GRIK1: variants seen among roughly 807,000 people sequenced by gnomAD.
The protein encoded by GRIK1 is glutamate receptor ionotropic, kainate 1.
In GRIK1, 69 loss-of-function variants were observed where a neutral mutation model predicts 105.7. That is an observed-to-expected ratio of 0.65 (90% CI 0.54 to 0.80). GRIK1 has a LOEUF of 0.80. GRIK1 is among the 30% of genes least tolerant of loss of function. GRIK1 has a pLI of 0.00. For synonymous variants in GRIK1, 438 were observed against 431.3 expected (o/e 1.02, Z -0.19); for missense variants, 1,109 against 1,167.3 (o/e 0.95, Z 0.73).
At chr21:29,922,558 A>C (rs1354561045) in intron 1 of GRIK1, among the ~76,000 whole-genome samples, 2 of 152,154 alleles carry the variant, frequency 1.3e-5, no homozygotes, top group African/African-American at 4.8e-5. Context: ...GCAATCTTAG[A>C]AAAAAATTAT....
chr21:29,719,658 AG>A (rs2064272924), intron 1 of GRIK1, among the ~76,000 whole-genome samples: 1 of 152,146 alleles, frequency 6.6e-6, no homozygotes, highest in South Asian at 2.1e-4. Flanking sequence ...CAGCTTTAAA[AG>A]CTCTGCAGCA....
At chr21:29,741,663 A>G (rs1367687501) in intron 1 of GRIK1, among the ~76,000 whole-genome samples, 1 of 152,216 alleles carries the variant, frequency 6.6e-6, no homozygotes, top group African/African-American at 2.4e-5. Context: ...TGATATATGA[A>G]TTTATATATA....
At chr21:29,695,162 A>G (rs1332059270) in intron 1 of GRIK1, among the ~76,000 whole-genome samples, 1 of 152,182 alleles carries the variant, frequency 6.6e-6, no homozygotes, top group East Asian at 1.9e-4. Flanking sequence ...AAGCCTCATC[A>G]GAGAATGAGC....
chr21:29,544,371 A>G (rs2090018570), intron 16 of GRIK1, among the ~76,000 whole-genome samples: 1 of 152,138 alleles, frequency 6.6e-6, no homozygotes, highest in Non-Finnish European at 1.5e-5. Context: ...CATTCCTGAC[A>G]AGTAGGGGAT....
intron 4 of GRIK1, among the ~76,000 whole-genome samples, chr21:29,661,001 T>C: frequency 6.6e-6 from 1 of 152,120 alleles, no homozygotes; most frequent in Admixed American, 6.5e-5. Context: ...ATTTGCTAAC[T>C]GTAATATTTT....
chr21:29,862,877 A>G (rs527462806), intron 1 of GRIK1, among the ~76,000 whole-genome samples: 109 of 152,352 alleles, frequency 7.2e-4, no homozygotes, highest in Non-Finnish European at 1.2e-3. Flanking sequence ...AACACAGAAC[A>G]AAACTAATTA....
chr21:29,592,426 G>A (rs1251744997), intron 9 of GRIK1, among the ~76,000 whole-genome samples: 1 of 152,220 alleles, frequency 6.6e-6, no homozygotes, highest in South Asian at 2.1e-4. Context: ...CCTGGGTTGT[G>A]AGGTGGTGTA....
At chr21:29,721,977 A>G (rs1047611573) in intron 1 of GRIK1, among the ~76,000 whole-genome samples, 1 of 152,220 alleles carries the variant, frequency 6.6e-6, no homozygotes, top group Non-Finnish European at 1.5e-5. Context: ...TTTTTCCACA[A>G]TAAAATTATT....
chr21:29,837,470 A>G (rs1375147572), intron 1 of GRIK1, among the ~76,000 whole-genome samples: 4 of 152,174 alleles, frequency 2.6e-5, no homozygotes, highest in African/African-American at 9.7e-5. Flanking sequence ...ATATTGAGTT[A>G]GAGTCACAGG....
intron 1 of GRIK1, among the ~76,000 whole-genome samples, chr21:29,854,959 A>C (rs1398744239): frequency 1.3e-5 from 2 of 152,248 alleles, no homozygotes; most frequent in Non-Finnish European, 2.9e-5. Flanking sequence ...AGGCCTCTTA[A>C]AAATGGACTT....
chr21:29,885,839 T>C (rs1295290275), intron 1 of GRIK1, among the ~76,000 whole-genome samples: 2 of 152,152 alleles, frequency 1.3e-5, no homozygotes, highest in Non-Finnish European at 2.9e-5. Context: ...ATAACTGATA[T>C]AAACAGGAAA....
At chr21:29,560,574 T>C (rs149708989) in intron 15 of GRIK1, among the ~76,000 whole-genome samples, 74 of 124,152 alleles carry the variant, frequency 6.0e-4, no homozygotes, top group East Asian at 4.0e-3. Flanking sequence ...CTTTCTTTCT[T>C]TCTCTCTTTC....
In GRIK1 at chr21:29,919,591, A is replaced by G. The variant is rs527370430; in HGVS notation, c.118+19792T>C. ...TCTTTGTCTTAACTCTTCACTGAGC[A>G]AAGGTAGCACTCCCTAAATGACTTA... On this transcript the variant is annotated intron_variant, in intron 1 of 17. Transcript: ENST00000327783. 2.2e-4 allele frequency among the ~76,000 whole-genome samples: 34 copies of G among 152,286 alleles called. No homozygotes were observed. The Middle Eastern group carries it at 0.01, about 46-fold the overall frequency.
intron 1 of GRIK1, among the ~76,000 whole-genome samples, chr21:29,743,649 G>A (rs2064981793): frequency 6.6e-6 from 1 of 151,990 alleles, no homozygotes; most frequent in Admixed American, 6.6e-5. Context: ...GAGCTGAGAT[G>A]GAGCCACTGC....
At chr21:29,683,576 G>A (rs2063423079) in intron 3 of GRIK1, among the ~76,000 whole-genome samples, 3 of 152,110 alleles carry the variant, frequency 2.0e-5, no homozygotes, top group Admixed American at 2.0e-4. Context: ...TAAACATTGG[G>A]TACACGTGGA....
At position 29,738,127 on chromosome 21, in the gene GRIK1, C is replaced by T. The variant is rs114468992; in HGVS notation, c.119-44064G>A. 5.9e-3 allele frequency among the ~76,000 whole-genome samples: 899 copies of T among 152,322 alleles called. 15 individuals carry two copies. The highest frequency in any genetic ancestry group is 0.02 in the African/African-American group (845 of 41,572). On this transcript the variant is annotated intron_variant, in intron 1 of 17. Transcript: ENST00000327783. The stretch of plus-strand genomic sequence containing the variant: ...GGCAGCACAGAACTGAATGGAAGTG[C>T]GTTGCACTGGGCAGACAGAGAGGTT...
chr21:29,867,881 AGAGAAAGAGAGAGAGAGAG>A (rs2068864126), intron 1 of GRIK1, among the ~76,000 whole-genome samples: 1 of 17,586 alleles, frequency 5.7e-5, no homozygotes, highest in African/African-American at 3.4e-4. Flanking sequence ...AGAGAAAGAG[AGAGAAAGAGAGAGAGAGAG>A]AGAAAGAAAG....
intron 7 of GRIK1, among the ~76,000 whole-genome samples, chr21:29,623,324 G>C (rs2062050346): frequency 6.6e-6 from 1 of 151,936 alleles, no homozygotes; most frequent in Admixed American, 6.6e-5. Flanking sequence ...CCTCTCACAG[G>C]GTCCTTCCCA....
At chr21:29,812,310 C>T (rs536789288) in intron 1 of GRIK1, among the ~76,000 whole-genome samples, 1 of 152,208 alleles carries the variant, frequency 6.6e-6, no homozygotes, top group Non-Finnish European at 1.5e-5. Flanking sequence ...TGGGGATGTT[C>T]TAATTATGCT....
Sources: allele counts gnomAD v4.1 joint callset (sites outside exome capture counted in the v4.1 genomes callset), GRCh38; gene constraint gnomAD v4.1.1; transcripts MANE v1.5; gene names NCBI Gene and HGNC (gene_info 2026-07-23, HGNC 2026-07-21).